NRXN3: variants seen among roughly 807,000 people sequenced by gnomAD.
NRXN3 encodes neurexin III.
Under a neutral mutation model 137.6 loss-of-function variants are expected in NRXN3, and 32 were observed. That is an observed-to-expected ratio of 0.23 (90% CI 0.18 to 0.31). The LOEUF (loss-of-function observed/expected upper bound fraction) is 0.31. NRXN3 is among the 10% of genes least tolerant of loss of function. The pLI is 1.00. For synonymous variants in NRXN3, 798 were observed against 784.5 expected, an observed-to-expected ratio of 1.02 and a Z score of -0.29; for missense variants, 1,574 against 2,062.5, an observed-to-expected ratio of 0.76 and a Z score of 4.59.
intron 10 of NRXN3, among the ~76,000 whole-genome samples, chr14:78,827,805 A>G (rs2098971291): frequency 6.6e-6 from 1 of 152,246 alleles, no homozygotes. Context: ...GGAAAATGAC[A>G]ACATCCCTTT....
chr14:79,188,012 T>TTG (rs34657878), intron 15 of NRXN3, among the ~76,000 whole-genome samples: 5,426 of 152,286 alleles, frequency 0.036, 235 homozygotes, highest in East Asian at 0.21. Context: ...TTGTTTGCCT[T>TTG]TACATTTTTA....
At chr14:79,525,033 G>C (rs745429118) in intron 16 of NRXN3, among the ~76,000 whole-genome samples, 4 of 152,142 alleles carry the variant, frequency 2.6e-5, no homozygotes, top group Non-Finnish European at 5.9e-5. Context: ...AGGTAGTCAG[G>C]CAGTTTCTGC....
At chr14:79,434,999 C>CAT (rs2095821835) in intron 15 of NRXN3, among the ~76,000 whole-genome samples, 1 of 152,150 alleles carries the variant, frequency 6.6e-6, no homozygotes. Context: ...CTTCCAACAT[C>CAT]TGGAGGATGA....
chr14:79,361,382 A>G (rs1011732522), intron 15 of NRXN3, among the ~76,000 whole-genome samples: 1 of 152,118 alleles, frequency 6.6e-6, no homozygotes, highest in Non-Finnish European at 1.5e-5. Flanking sequence ...TATAAATAGA[A>G]TGCTTTCTCC....
At chr14:79,449,710 C>A (rs1600474118) in intron 15 of NRXN3, among the ~76,000 whole-genome samples, 1 of 152,162 alleles carries the variant, frequency 6.6e-6, no homozygotes, top group East Asian at 1.9e-4. Context: ...ATAGAATCGG[C>A]CAGGCGCAGT....
At chr14:79,093,055 T>C (rs2049510775) in intron 15 of NRXN3, among the ~76,000 whole-genome samples, 2 of 152,276 alleles carry the variant, frequency 1.3e-5, no homozygotes, top group East Asian at 3.9e-4. Context: ...ATTTATACCA[T>C]TATTCATAGG....
chr14:79,787,975 T>A (rs1236037872), intron 19 of NRXN3, among the ~76,000 whole-genome samples: 1 of 152,132 alleles, frequency 6.6e-6, no homozygotes, highest in Non-Finnish European at 1.5e-5. Flanking sequence ...GTTAGTCTAG[T>A]CTGTTCTCAT....
At chr14:79,497,905 G>A (rs1567295494) in intron 16 of NRXN3, among the ~76,000 whole-genome samples, 2 of 152,034 alleles carry the variant, frequency 1.3e-5, no homozygotes, top group East Asian at 1.9e-4. Context: ...ATAGTGGTGC[G>A]CCCCTGTAGT....
intron 6 of NRXN3, among the ~76,000 whole-genome samples, chr14:78,706,919 T>C (rs1034974924): frequency 5.3e-5 from 8 of 152,182 alleles, no homozygotes; most frequent in Non-Finnish European, 1.0e-4. Flanking sequence ...TATTGGGGAT[T>C]ATATGATATG....
chr14:78,925,497 T>G (rs2099285418), intron 10 of NRXN3, among the ~76,000 whole-genome samples: 1 of 152,212 alleles, frequency 6.6e-6, no homozygotes, highest in African/African-American at 2.4e-5. Context: ...GAAAACATAC[T>G]AGTTAAATGT....
chr14:78,515,022 A>G (rs1320355628), intron 4 of NRXN3, among the ~76,000 whole-genome samples: 1 of 152,182 alleles, frequency 6.6e-6, no homozygotes, highest in Non-Finnish European at 1.5e-5. Context: ...TACTATTGGC[A>G]CATTAAGCCA....
chr14:78,193,761 CA>C (rs375804646), intron 1 of NRXN3, among the ~76,000 whole-genome samples: 25,277 of 108,916 alleles, frequency 0.23, 2,032 homozygotes, highest in East Asian at 0.34. Flanking sequence ...AACTCTGTCT[CA>C]AAAAAAAAAA....
At chr14:79,546,281 G>A (rs2097319463) in intron 16 of NRXN3, among the ~76,000 whole-genome samples, 1 of 152,138 alleles carries the variant, frequency 6.6e-6, no homozygotes, top group African/African-American at 2.4e-5. Context: ...CTGAAGTGGA[G>A]AAAATACTTT....
At chr14:79,331,904 C>A (rs2091733944) in intron 15 of NRXN3, among the ~76,000 whole-genome samples, 1 of 151,234 alleles carries the variant, frequency 6.6e-6, no homozygotes, top group Non-Finnish European at 1.5e-5. Context: ...GTTTAGGTGT[C>A]ATTGTTGAGA....
chr14:78,191,463 C>A (rs10137760), intron 1 of NRXN3, among the ~76,000 whole-genome samples: 12,172 of 152,212 alleles, frequency 0.08, 1,520 homozygotes, highest in African/African-American at 0.27. Context: ...GACGGGCCAA[C>A]ATGGAAGTGC....
chr14:78,396,363 A>G (rs2091455216), intron 4 of NRXN3, among the ~76,000 whole-genome samples: 1 of 152,168 alleles, frequency 6.6e-6, no homozygotes, highest in African/African-American at 2.4e-5. Flanking sequence ...TTCAATCATC[A>G]GACAGAATTT....
At chr14:79,496,165 G>A (rs562768236) in intron 16 of NRXN3, among the ~76,000 whole-genome samples, 3 of 150,674 alleles carry the variant, frequency 2.0e-5, no homozygotes, top group Non-Finnish European at 4.4e-5. Context: ...GAAAGGGAAA[G>A]GAAAAAAATC....
intron 4 of NRXN3, among the ~76,000 whole-genome samples, chr14:78,510,897 T>A (rs2096092077): frequency 6.6e-6 from 1 of 152,184 alleles, no homozygotes; most frequent in Admixed American, 6.5e-5. Context: ...AAGCACCAGA[T>A]CTTTGCCTCT....
intron 15 of NRXN3, among the ~76,000 whole-genome samples, chr14:79,081,958 A>G (rs1262693124): frequency 6.6e-6 from 1 of 152,110 alleles, no homozygotes; most frequent in African/African-American, 2.4e-5. Context: ...CCCAAATAAT[A>G]GATCCAAAGA....
Sources: gnomAD v4.1 joint callset for allele counts (sites outside exome capture counted in the v4.1 genomes callset) on GRCh38, gnomAD v4.1.1 for gene constraint, MANE v1.5 for transcripts, NCBI Gene and HGNC (gene_info 2026-07-23, HGNC 2026-07-21) for gene names.